CFAP299: variants seen among roughly 807,000 people sequenced by gnomAD.
The protein encoded by CFAP299 is cilia and flagella associated protein 299, also known as cilia- and flagella-associated protein 299.
In CFAP299, 21 loss-of-function variants were observed where a neutral mutation model predicts 27.0. The ratio of observed to expected loss-of-function variants is 0.78; its 90% CI spans 0.55 to 1.12. CFAP299 has a LOEUF of 1.12. Ranked by LOEUF, CFAP299 falls within the 50% of genes most tolerant of loss-of-function variation. CFAP299 has a pLI of 0.00. For missense variants in CFAP299, 310 were observed against 276.6 expected, an observed-to-expected ratio of 1.12 and a Z score of -0.86; for synonymous variants, 104 against 98.1, an observed-to-expected ratio of 1.06 and a Z score of -0.36.
At chr4:80,757,691 G>GTTTTTTTGTT (rs144517834) in intron 3 of CFAP299, among the ~76,000 whole-genome samples, 37 of 151,298 alleles carry the variant, frequency 2.4e-4, no homozygotes, top group African/African-American at 9.0e-4. Context: ...ACAAAGTCAG[G>GTTTTTTTGTT]TTTTTTGTTT....
At chr4:80,602,564 A>G (rs2109903146) in intron 3 of CFAP299, among the ~76,000 whole-genome samples, 2 of 152,320 alleles carry the variant, frequency 1.3e-5, no homozygotes, top group South Asian at 2.1e-4. Context: ...GAAGAATTCT[A>G]GCATAGAAAT....
At chr4:80,756,039 C>A (rs1725219059) in intron 3 of CFAP299, among the ~76,000 whole-genome samples, 1 of 152,104 alleles carries the variant, frequency 6.6e-6, no homozygotes, top group African/African-American at 2.4e-5. Flanking sequence ...AAAATATAAT[C>A]TTTTCAATGT....
At chr4:80,832,067 A>T (rs930507928) in intron 3 of CFAP299, among the ~76,000 whole-genome samples, 2 of 152,174 alleles carry the variant, frequency 1.3e-5, no homozygotes, top group African/African-American at 4.8e-5. Context: ...CTGTGTCAGA[A>T]CAATGAGCAC....
chr4:80,809,871 T>C (rs1429350481), intron 3 of CFAP299, among the ~76,000 whole-genome samples: 1 of 152,040 alleles, frequency 6.6e-6, no homozygotes, highest in African/African-American at 2.4e-5. Flanking sequence ...AAACAATTTT[T>C]TGGGGGTTTG....
chr4:80,414,072 T>TTTC (rs758052919), intron 2 of CFAP299, among the ~76,000 whole-genome samples: 4,987 of 31,136 alleles, frequency 0.16, 309 homozygotes, highest in Admixed American at 0.3. Flanking sequence ...TTCTTTTTTT[T>TTTC]TTTTTTTTTT....
intron 3 of CFAP299, among the ~76,000 whole-genome samples, chr4:80,834,456 C>G (rs768039675): frequency 1.5e-4 from 23 of 152,170 alleles, no homozygotes; most frequent in Non-Finnish European, 2.6e-4. Flanking sequence ...GTTACAACAT[C>G]TATTACTTAA....
chr4:80,597,246 T>A (rs1737100701), intron 3 of CFAP299, among the ~76,000 whole-genome samples: 1 of 152,182 alleles, frequency 6.6e-6, no homozygotes, highest in Non-Finnish European at 1.5e-5. Flanking sequence ...TATTTTAATT[T>A]CTGATTTTTA....
intron 3 of CFAP299, among the ~76,000 whole-genome samples, chr4:80,731,475 T>G (rs555419391): frequency 6.6e-6 from 1 of 152,316 alleles, no homozygotes; most frequent in Non-Finnish European, 1.5e-5. Context: ...GCATTCTGGT[T>G]TCCATCGGGC....
chr4:80,720,964 A>G (rs1393382183), intron 3 of CFAP299, among the ~76,000 whole-genome samples: 1 of 152,176 alleles, frequency 6.6e-6, no homozygotes, highest in Non-Finnish European at 1.5e-5. Flanking sequence ...AGAAACTACA[A>G]TGTTAGAAGT....
intron 4 of CFAP299, among the ~76,000 whole-genome samples, chr4:80,906,070 C>G (rs1735168406): frequency 6.6e-6 from 1 of 152,206 alleles, no homozygotes; most frequent in Non-Finnish European, 1.5e-5. Flanking sequence ...CTTGTAAAAT[C>G]AAAAGCAAGT....
At chr4:80,634,282 G>A (rs75324276) in intron 3 of CFAP299, among the ~76,000 whole-genome samples, 10,559 of 151,988 alleles carry the variant, frequency 0.069, 811 homozygotes, top group African/African-American at 0.19. Flanking sequence ...GCACATGGCC[G>A]AGAAAACTCT....
intron 2 of CFAP299, among the ~76,000 whole-genome samples, chr4:80,476,166 C>G (rs1730264531): frequency 6.6e-6 from 1 of 152,186 alleles, no homozygotes; most frequent in Admixed American, 6.5e-5. Context: ...TCTTTACCCT[C>G]CTTAGCACTC....
intron 4 of CFAP299, among the ~76,000 whole-genome samples, chr4:80,912,908 G>A (rs1735551379): frequency 6.6e-6 from 1 of 152,108 alleles, no homozygotes; most frequent in Non-Finnish European, 1.5e-5. Context: ...CAGGAGTGCG[G>A]AATAGAGGGG....
chr4:80,501,996 T>C (rs1019455137), intron 2 of CFAP299, among the ~76,000 whole-genome samples: 5 of 152,152 alleles, frequency 3.3e-5, no homozygotes, highest in Admixed American at 2.0e-4. Context: ...TTATTAATTA[T>C]TCTTAGTTAC....
At position 80,367,939 on chromosome 4, in the gene CFAP299, C is replaced by T. The variant is rs139823501; in HGVS notation, c.242+5055C>T. Among the ~76,000 whole-genome samples the T allele has an allele frequency of 6.2e-3, 947 of 152,252 alleles. 2 individuals are homozygous for T. Among genetic ancestry groups the T allele is most frequent in the Middle Eastern group, 0.024 (7 of 294 alleles). On this transcript the variant is annotated intron_variant, in intron 2 of 5. Coordinates refer to ENST00000358105, the MANE Select transcript of CFAP299 (RefSeq NM_152770.3). ...CGTGACACACATTGACTATTGTGTT[C>T]CTAGAGCCTAGTCAGTAGTTACAAC...
At chr4:80,860,290 G>C (rs1026257873) in intron 3 of CFAP299, among the ~76,000 whole-genome samples, 6 of 152,006 alleles carry the variant, frequency 3.9e-5, no homozygotes, top group African/African-American at 1.4e-4. Context: ...CTCTGTATTG[G>C]TTATTCTAGT....
intron 2 of CFAP299, among the ~76,000 whole-genome samples, chr4:80,506,024 A>AT (rs199550223): frequency 0.11 from 16,738 of 150,184 alleles, 1,030 homozygotes; most frequent in African/African-American, 0.15. Context: ...ATATATATAT[A>AT]AAAATAATAA....
chr4:80,490,283 T>C (rs1731047985), intron 2 of CFAP299, among the ~76,000 whole-genome samples: 1 of 152,240 alleles, frequency 6.6e-6, no homozygotes. Flanking sequence ...AGTGACTTTT[T>C]CAATTATGTG....
chr4:80,362,679 TGTAAGATATAA>T, intron 1 of CFAP299, 64 bp from the exon 2 acceptor site: 3 of 1,452,396 alleles, frequency 2.1e-6, no homozygotes, highest in Non-Finnish European at 2.8e-6. Flanking sequence ...ACATTGCAGA[TGTAAGATATAA>T]GTAAGTAAGT....
Sources: allele counts gnomAD v4.1 joint callset (sites outside exome capture counted in the v4.1 genomes callset), GRCh38; gene constraint gnomAD v4.1.1; transcripts MANE v1.5; gene names NCBI Gene and HGNC (gene_info 2026-07-23, HGNC 2026-07-21).